SYNE2: variants seen among roughly 807,000 people sequenced by gnomAD.
SYNE2 encodes spectrin repeat containing nuclear envelope protein 2.
A neutral mutation model predicts 856.3 loss-of-function variants in SYNE2; 431 were observed. The ratio of observed to expected loss-of-function variants is 0.50; its 90% CI spans 0.47 to 0.55. The LOEUF is 0.55. Ranked by LOEUF, SYNE2 falls within the 20% of genes least tolerant of loss-of-function variation. The probability of loss-of-function intolerance (pLI) is 0.00; values close to 1 mark genes in which losing one functional copy is unlikely to be tolerated. For missense variants in SYNE2, 8,129 were observed against 8,023.2 expected, an observed-to-expected ratio of 1.01 and a Z score of -0.50; for synonymous variants, 2,923 against 2,872.3, an observed-to-expected ratio of 1.02 and a Z score of -0.56.
At chr14:64,185,567 C>CT (rs2098485238) in intron 96 of SYNE2, among the ~76,000 whole-genome samples, 1 of 123,924 alleles carries the variant, frequency 8.1e-6, no homozygotes, top group African/African-American at 3.2e-5. Context: ...GTCAGCCAGG[C>CT]TAGAATGCAG....
chr14:64,177,772 G>A (rs902970836), intron 96 of SYNE2, among the ~76,000 whole-genome samples: 2 of 152,200 alleles, frequency 1.3e-5, no homozygotes, highest in African/African-American at 4.8e-5. Flanking sequence ...TGTAATATAA[G>A]ATGTGGCCTC....
intron 59 of SYNE2, 70 bp downstream of exon 59, chr14:64,089,766 A>G (rs1595446440): frequency 2.3e-6 from 3 of 1,316,502 alleles, no homozygotes; most frequent in Non-Finnish European, 3.2e-6. Context: ...ATATAATATA[A>G]TGTGATTTAA....
At chr14:64,094,001 T>A (rs2097653829) in intron 61 of SYNE2, among the ~76,000 whole-genome samples, 1 of 152,136 alleles carries the variant, frequency 6.6e-6, no homozygotes, top group African/African-American at 2.4e-5. Flanking sequence ...TTCTAAGCAG[T>A]ATTGCCATAC....
intron 1 of SYNE2, among the ~76,000 whole-genome samples, chr14:63,858,563 C>T (rs7401191): frequency 0.11 from 16,295 of 151,824 alleles, 973 homozygotes; most frequent in African/African-American, 0.16. Flanking sequence ...ACTCCAGGTG[C>T]GTGCCACCAC....
chr14:63,976,709 G>C lies in SYNE2; in HGVS notation c.1275G>C (p.Glu425Asp). The change falls in exon 12 of 116, where the codon GAG (glutamate) becomes GAC (aspartate). Residue 425 changes from glutamate to aspartate, a missense_variant. Coordinates refer to ENST00000555002, the MANE Select transcript of SYNE2 (RefSeq NM_182914.3). ...DHSQAVTLIQEKMTLFKSLMD... is the reference protein window; with the variant it reads ...DHSQAVTLIQDKMTLFKSLMD... The stretch of plus-strand genomic sequence containing the variant: ...CTCAAGCCGTGACTCTGATACAAGA[G>C]AAAATGACTTTATTCAAGGTTGGAA... The C allele has an allele frequency of 1.2e-6, 2 of 1,612,898 alleles. No homozygotes were observed. The highest frequency in any genetic ancestry group is 1.7e-6 in the Non-Finnish European group (2 of 1,179,708).
intron 1 of SYNE2, among the ~76,000 whole-genome samples, chr14:63,794,599 G>A (rs2139776716): frequency 6.6e-6 from 1 of 152,260 alleles, no homozygotes; most frequent in East Asian, 1.9e-4. Flanking sequence ...AAAATGGATA[G>A]AATAGACATT....
At chr14:63,934,823 A>C (rs1353053781) in intron 2 of SYNE2, among the ~76,000 whole-genome samples, 1 of 152,146 alleles carries the variant, frequency 6.6e-6, no homozygotes, top group Non-Finnish European at 1.5e-5. Context: ...AAAATAAGGA[A>C]GAGAGTAATC....
rs1255556321 is a variant in SYNE2 at position 64,108,438 on chromosome 14, A to G, written c.12609+831A>G. Among the ~76,000 whole-genome samples the G allele has an allele frequency of 5.3e-5, 8 of 152,240 alleles. No individual in the cohort carries two copies. The South Asian group carries it at 1.5e-3, about 28-fold the overall frequency. ...CCAGAATATTCTAATCTGGCTTCCTAATTTGGAATCTTGTACCTCAGTTGT... is the reference window on the plus strand; with the variant it reads ...CCAGAATATTCTAATCTGGCTTCCTGATTTGGAATCTTGTACCTCAGTTGT... On this transcript the variant is annotated intron_variant, in intron 65 of 115. Coordinates refer to ENST00000555002, the MANE Select transcript of SYNE2 (RefSeq NM_182914.3).
At chr14:63,778,483 A>G (rs1312852431) in intron 1 of SYNE2, among the ~76,000 whole-genome samples, 1 of 152,060 alleles carries the variant, frequency 6.6e-6, no homozygotes, top group Non-Finnish European at 1.5e-5. Context: ...CAATATATAC[A>G]ACTTTTAATT....
At chr14:64,215,710 A>T in intron 107 of SYNE2, 3 of 374,058 alleles carry the variant, frequency 8.0e-6, no homozygotes, top group Non-Finnish European at 9.7e-6. Flanking sequence ...TCCTTGCTTT[A>T]CTGGGATCCC....
At chr14:64,089,501 A>G (rs1413922398) in intron 58 of SYNE2, 73 bp from the exon 59 acceptor site, 2 of 1,463,984 alleles carry the variant, frequency 1.4e-6, no homozygotes, top group Non-Finnish European at 1.9e-6. Context: ...AATAAAATTA[A>G]TGCCAATAAA....
chr14:64,174,041 AAAAAT>A, intron 94 of SYNE2: 1 of 615,390 alleles, frequency 1.6e-6, no homozygotes, highest in Non-Finnish European at 2.9e-6. Context: ...AGAAAAAAAT[AAAAAT>A]AAACAAGACC....
chr14:63,769,625 C>T (rs183105427), intron 1 of SYNE2, among the ~76,000 whole-genome samples: 5 of 141,926 alleles, frequency 3.5e-5, no homozygotes, highest in East Asian at 2.2e-4. Context: ...GTCGAGATCG[C>T]GCCACTGCAC....
intron 87 of SYNE2, among the ~76,000 whole-genome samples, chr14:64,160,501 TG>T (rs2098320906): frequency 6.6e-6 from 1 of 152,250 alleles, no homozygotes; most frequent in Non-Finnish European, 1.5e-5. Flanking sequence ...GGAGGGATTT[TG>T]TTTGCTTTTT....
At chr14:64,138,938 G>GTGTA (rs1555505938) in intron 79 of SYNE2, among the ~76,000 whole-genome samples, 2 of 142,616 alleles carry the variant, frequency 1.4e-5, no homozygotes, top group African/African-American at 5.7e-5. Context: ...GTGTGTGTGT[G>GTGTA]TATGTATGGT....
chr14:63,907,115 G>A (rs1306077456), intron 1 of SYNE2, among the ~76,000 whole-genome samples: 2 of 152,178 alleles, frequency 1.3e-5, no homozygotes, highest in Non-Finnish European at 2.9e-5. Context: ...TCCATCTCCA[G>A]CTTTAAGTGA....
chr14:63,811,762 T>A (rs1888624055), intron 1 of SYNE2, among the ~76,000 whole-genome samples: 2 of 152,016 alleles, frequency 1.3e-5, no homozygotes, highest in South Asian at 4.1e-4. Context: ...AGTAGGACCA[T>A]AATGCCCCCC....
At chr14:64,168,781 T>C in intron 92 of SYNE2, 96 bp from the exon 93 acceptor site, 1 of 869,410 alleles carries the variant, frequency 1.2e-6, no homozygotes. Flanking sequence ...ATCCCTCATA[T>C]CCTTTGTAAG....
At chr14:64,119,330 A>G in intron 66 of SYNE2, 97 bp from the exon 67 acceptor site, 1 of 1,481,564 alleles carries the variant, frequency 6.7e-7, no homozygotes, top group Non-Finnish European at 9.3e-7. Flanking sequence ...GACTTCTTGT[A>G]TACACTTAAG....
Sources: gnomAD v4.1 joint callset for allele counts (sites outside exome capture counted in the v4.1 genomes callset) on GRCh38, gnomAD v4.1.1 for gene constraint, MANE v1.5 for transcripts, NCBI Gene and HGNC (gene_info 2026-07-23, HGNC 2026-07-21) for gene names.